OR1L8: variants seen among roughly 807,000 people sequenced by gnomAD.
OR1L8 encodes the protein olfactory receptor family 1 subfamily L member 8.
For missense variants in OR1L8, 330 were observed against 377.4 expected (o/e 0.87, Z 1.04); for synonymous variants, 148 against 147.0 (o/e 1.01, Z -0.05).
chr9:122,578,146 G>C (rs115335361), intron 2 of OR1L8, among the ~76,000 whole-genome samples, 178 bp downstream of exon 2: 1 of 152,122 alleles, frequency 6.6e-6, no homozygotes, highest in Non-Finnish European at 1.5e-5. Context: ...TATCCACTCA[G>C]AGGAAAAGAA....
Position 122,568,275 on chromosome 9 carries a change from G to A in OR1L8, c.203C>T (p.Ser68Phe). Residue 68 changes from serine to phenylalanine, a missense_variant, in exon 5 of 5, where the codon TCT becomes TTT. By Grantham distance (155) the Ser-to-Phe change is radical. Coordinates refer to ENST00000641027, the MANE Select transcript of OR1L8 (RefSeq NM_001004454.2). ...TGTTGTAAAGCAAATATCAGTGAGA[G>A]ACAGAAAACTCAAGAAGAAATACAT... ...TPMYFFLSFL[S>F]LTDICFTTSV... The A allele has an allele frequency of 6.2e-7, 1 of 1,614,012 alleles. No individual in the cohort carries two copies. Among genetic ancestry groups the A allele is most frequent in the Non-Finnish European group, 8.5e-7 (1 of 1,179,874 alleles).
intron 2 of OR1L8, among the ~76,000 whole-genome samples, chr9:122,577,330 C>A (rs948466104): frequency 6.6e-6 from 1 of 152,104 alleles, no homozygotes; most frequent in Non-Finnish European, 1.5e-5. Context: ...AGGCAGACTT[C>A]AAATTTAAGG....
At chr9:122,552,625 C>T in the OR1L8 span, among the ~76,000 whole-genome samples, 23 of 152,010 alleles carry the variant, frequency 1.5e-4, no homozygotes, top group African/African-American at 5.3e-4. Context: ...TCCTTTGCCG[C>T]TAGTTAGGAA....
the OR1L8 span, among the ~76,000 whole-genome samples, chr9:122,560,735 C>G: frequency 6.6e-6 from 1 of 152,124 alleles, no homozygotes; most frequent in Non-Finnish European, 1.5e-5. Flanking sequence ...GGTGACCAAG[C>G]CTTTCTGTCT....
the OR1L8 span, among the ~76,000 whole-genome samples, chr9:122,552,894 T>C: frequency 6.6e-6 from 1 of 151,800 alleles, no homozygotes; most frequent in East Asian, 1.9e-4. Context: ...CTATTCTCAA[T>C]TCTCACTTCC....
chr9:122,578,586 G>GAT (rs1829696771), intron 1 of OR1L8, 141 bp from the exon 2 acceptor site: 1 of 151,854 alleles, frequency 6.6e-6, no homozygotes, highest in African/African-American at 2.4e-5. Flanking sequence ...TAAAGAAATC[G>GAT]TGATATATAC....
intron 3 of OR1L8, among the ~76,000 whole-genome samples, chr9:122,575,099 C>A (rs115233147): frequency 6.6e-6 from 1 of 152,112 alleles, no homozygotes; most frequent in Non-Finnish European, 1.5e-5. Flanking sequence ...ATTCAATTTG[C>A]AAACATTTTG....
the OR1L8 span, among the ~76,000 whole-genome samples, chr9:122,549,589 A>G: frequency 1.3e-5 from 2 of 152,028 alleles, no homozygotes; most frequent in African/African-American, 2.4e-5. Flanking sequence ...TAGCAATCCA[A>G]TTTTCCTAGA....
chr9:122,580,747 G>T (rs1259295957), intron 1 of OR1L8, among the ~76,000 whole-genome samples: 1 of 152,142 alleles, frequency 6.6e-6, no homozygotes, highest in Non-Finnish European at 1.5e-5. Context: ...ATAAGACTGT[G>T]CTGGTGTCAG....
downstream of OR1L8, among the ~76,000 whole-genome samples, chr9:122,564,207 T>A (rs1829395172): frequency 6.6e-6 from 1 of 152,196 alleles, no homozygotes; most frequent in Admixed American, 6.5e-5. Flanking sequence ...ATGTGATTAA[T>A]GAAATTTTAG....
chr9:122,551,175 G>T, the OR1L8 span, among the ~76,000 whole-genome samples: 1 of 152,080 alleles, frequency 6.6e-6, no homozygotes, highest in African/African-American at 2.4e-5. Context: ...CAAAAAGTTG[G>T]ATTATTTTAG....
chr9:122,551,122 G>A, the OR1L8 span, among the ~76,000 whole-genome samples: 1 of 152,090 alleles, frequency 6.6e-6, no homozygotes, highest in Non-Finnish European at 1.5e-5. Flanking sequence ...TAACAATCAA[G>A]CTGAGAACCA....
At chr9:122,569,218 C>CT (rs983203888) in intron 4 of OR1L8, among the ~76,000 whole-genome samples, 2 of 152,100 alleles carry the variant, frequency 1.3e-5, no homozygotes, top group African/African-American at 4.8e-5. Flanking sequence ...ACAAGTCTCC[C>CT]TTTTTTTGTA....
the OR1L8 span, among the ~76,000 whole-genome samples, chr9:122,550,671 T>C: frequency 5.3e-5 from 8 of 151,824 alleles, no homozygotes; most frequent in Non-Finnish European, 1.0e-4. Flanking sequence ...TCAATAGATA[T>C]AGAAAAAGCA....
intron 1 of OR1L8, among the ~76,000 whole-genome samples, chr9:122,582,091 A>AT (rs1032912591): frequency 2.0e-5 from 3 of 152,016 alleles, no homozygotes; most frequent in Non-Finnish European, 4.4e-5. Flanking sequence ...TGTAAGAATT[A>AT]TTTTTTTTAA....
At chr9:122,573,421 T>G (rs1829587288) in intron 3 of OR1L8, among the ~76,000 whole-genome samples, 1 of 152,226 alleles carries the variant, frequency 6.6e-6, no homozygotes, top group East Asian at 1.9e-4. Flanking sequence ...TGTTTAGGAA[T>G]GTTTATGTTT....
the OR1L8 span, among the ~76,000 whole-genome samples, chr9:122,546,502 A>G: frequency 6.6e-6 from 1 of 152,164 alleles, no homozygotes; most frequent in Non-Finnish European, 1.5e-5. Context: ...GAGCTGTCCA[A>G]GTGATGACCA....
intron 2 of OR1L8, among the ~76,000 whole-genome samples, chr9:122,577,579 A>G (rs1335565824): frequency 2.0e-5 from 3 of 152,230 alleles, no homozygotes; most frequent in East Asian, 1.9e-4. Context: ...ACTATTGGAT[A>G]AAATAATAAA....
chr9:122,553,538 GT>G, the OR1L8 span: 2 of 1,614,060 alleles, frequency 1.2e-6, no homozygotes, highest in Non-Finnish European at 1.7e-6. Flanking sequence ...TCCTCCTTAT[GT>G]TTGGTGGCCT....
Sources: allele counts gnomAD v4.1 joint callset (sites outside exome capture counted in the v4.1 genomes callset), GRCh38; gene constraint gnomAD v4.1.1; transcripts MANE v1.5; gene names NCBI Gene and HGNC (gene_info 2026-07-23, HGNC 2026-07-21).